Variants in STARD13 observed in about 807,000 individuals in gnomAD.
STARD13 encodes the protein StAR related lipid transfer domain containing 13.
In STARD13, 62 loss-of-function variants were observed where a neutral mutation model predicts 106.4. The observed-to-expected ratio is 0.58, with a 90% CI of 0.48 to 0.72. The LOEUF (loss-of-function observed/expected upper bound fraction) is 0.72. STARD13 is among the 30% of genes least tolerant of loss of function. The pLI, the probability that STARD13 is intolerant of heterozygous loss-of-function variation, is 0.00. For missense variants in STARD13, 1,387 were observed against 1,424.0 expected, an observed-to-expected ratio of 0.97 and a Z score of 0.42; for synonymous variants, 565 against 553.0, an observed-to-expected ratio of 1.02 and a Z score of -0.31.
intron 1 of STARD13, among the ~76,000 whole-genome samples, chr13:33,312,025 T>C (rs1252002228): frequency 6.6e-6 from 1 of 152,250 alleles, no homozygotes; most frequent in Non-Finnish European, 1.5e-5. Flanking sequence ...CTATTGGATA[T>C]GCAGTTCGTG....
At chr13:33,555,136 T>C in the STARD13 span, among the ~76,000 whole-genome samples, 1 of 152,348 alleles carries the variant, frequency 6.6e-6, no homozygotes, top group Middle Eastern at 3.4e-3. Context: ...TTTCAAAATG[T>C]GTTTAAGGTC....
the STARD13 span, among the ~76,000 whole-genome samples, chr13:33,483,213 A>C: frequency 6.6e-6 from 1 of 152,218 alleles, no homozygotes; most frequent in Non-Finnish European, 1.5e-5. Flanking sequence ...AGGGATAAAA[A>C]TCTAGAACAG....
At chr13:33,535,195 A>T in the STARD13 span, among the ~76,000 whole-genome samples, 3 of 152,188 alleles carry the variant, frequency 2.0e-5, no homozygotes, top group Non-Finnish European at 4.4e-5. Flanking sequence ...AGTCTGGATG[A>T]CAAGAGCGAA....
At chr13:33,552,255 G>C in the STARD13 span, among the ~76,000 whole-genome samples, 3 of 152,136 alleles carry the variant, frequency 2.0e-5, no homozygotes, top group Admixed American at 6.6e-5. Flanking sequence ...GATATGTTTT[G>C]TATCACTTAA....
intron 1 of STARD13, among the ~76,000 whole-genome samples, chr13:33,236,428 T>C (rs1313645100): frequency 6.6e-6 from 1 of 152,248 alleles, no homozygotes; most frequent in African/African-American, 2.4e-5. Context: ...GTTAGAGATT[T>C]TGAGGAAAAT....
chr13:33,345,854 A>G (rs1352514127), downstream of STARD13, among the ~76,000 whole-genome samples: 3 of 152,014 alleles, frequency 2.0e-5, no homozygotes, highest in African/African-American at 7.2e-5. Flanking sequence ...TTCAAGCAGA[A>G]AAAAAAAGGT....
rs183969878 is a variant in STARD13, at chr13:33,175,703, T to C, written c.170-8081A>G. Among the ~76,000 whole-genome samples the C allele has an allele frequency of 2.5e-4, 38 of 152,352 alleles. No individual in the cohort carries two copies. In the East Asian group the frequency reaches 6.2e-3, roughly 25 times the overall value. On this transcript the variant is annotated intron_variant, in intron 1 of 13. Transcript: ENST00000336934. ...CTTGCCTGGGGAAGAGCAACTGCTT[T>C]GGACAAATCCCACCACCACTAGGAA...
At chr13:33,243,420 G>C (rs1023057576) in intron 1 of STARD13, among the ~76,000 whole-genome samples, 1 of 152,166 alleles carries the variant, frequency 6.6e-6, no homozygotes, top group African/African-American at 2.4e-5. Flanking sequence ...TAGCTCCTCA[G>C]GGTGAAGAGT....
chr13:33,572,083 A>C, the STARD13 span, among the ~76,000 whole-genome samples: 2 of 152,220 alleles, frequency 1.3e-5, no homozygotes, highest in African/African-American at 4.8e-5. Context: ...AGCACCTGCA[A>C]GATTTCTTGT....
chr13:33,380,742 A>C, the STARD13 span, among the ~76,000 whole-genome samples: 1 of 132,994 alleles, frequency 7.5e-6, no homozygotes, highest in Non-Finnish European at 1.6e-5. Flanking sequence ...GCAATTGACA[A>C]GCCAAAGTGG....
the STARD13 span, among the ~76,000 whole-genome samples, chr13:33,545,706 GT>G: frequency 6.6e-6 from 1 of 152,160 alleles, no homozygotes; most frequent in Admixed American, 6.5e-5. Flanking sequence ...GTCAGAGCTG[GT>G]TGTTAAGAGC....
intron 1 of STARD13, among the ~76,000 whole-genome samples, chr13:33,272,250 A>AT (rs1479033491): frequency 1.3e-5 from 2 of 152,198 alleles, no homozygotes; most frequent in African/African-American, 4.8e-5. Flanking sequence ...TATTTGCATT[A>AT]TATCAGTTAA....
the STARD13 span, among the ~76,000 whole-genome samples, chr13:33,643,909 A>G: frequency 3.3e-5 from 5 of 152,058 alleles, no homozygotes; most frequent in African/African-American, 7.2e-5. Context: ...AAGATTCAAA[A>G]CTCCAGTTTG....
chr13:33,283,316 G>A (rs1230223204), intron 1 of STARD13, among the ~76,000 whole-genome samples: 1 of 152,158 alleles, frequency 6.6e-6, no homozygotes, highest in East Asian at 1.9e-4. Context: ...ATAGTCTAGT[G>A]TATTGCAGAG....
Position 33,296,898 on chromosome 13 carries a change from C to T in STARD13, c.124+53392G>A, listed in dbSNP as rs113117028. 1.5e-3 allele frequency among the ~76,000 whole-genome samples: 224 copies of T among 152,348 alleles called. 1 individual carries two copies. The highest frequency in any genetic ancestry group is 4.9e-3 in the African/African-American group (205 of 41,584). ...CCTCCCAAAGTGCTGGGATTATAGG[C>T]ATGAGCCACTGCGCCCGGCCGAGTT... On this transcript the variant is annotated intron_variant, in intron 1 of 5. Transcript: ENST00000567873.
At chr13:33,524,007 C>T in the STARD13 span, among the ~76,000 whole-genome samples, 1 of 152,098 alleles carries the variant, frequency 6.6e-6, no homozygotes, top group Non-Finnish European at 1.5e-5. Context: ...TTACCTTCAG[C>T]AAGAGCATTT....
chr13:33,188,778 T>C (rs770732932), intron 1 of STARD13, among the ~76,000 whole-genome samples: 1 of 152,248 alleles, frequency 6.6e-6, no homozygotes, highest in Non-Finnish European at 1.5e-5. Flanking sequence ...TCTGAGCAGG[T>C]ACTGACCAGA....
At chr13:33,194,883 C>A (rs1886506551) in intron 1 of STARD13, among the ~76,000 whole-genome samples, 2 of 152,210 alleles carry the variant, frequency 1.3e-5, no homozygotes, top group Non-Finnish European at 2.9e-5. Context: ...TTTTCCTGGG[C>A]CTGCAGCCCC....
At chr13:33,622,353 T>C in the STARD13 span, among the ~76,000 whole-genome samples, 1 of 152,078 alleles carries the variant, frequency 6.6e-6, no homozygotes, top group East Asian at 1.9e-4. Context: ...GAATAATAAG[T>C]TGACCAAATG....
Sources: allele counts gnomAD v4.1 joint callset (sites outside exome capture counted in the v4.1 genomes callset), GRCh38; gene constraint gnomAD v4.1.1; transcripts MANE v1.5; gene names NCBI Gene and HGNC (gene_info 2026-07-23, HGNC 2026-07-21).